The following OR1J2 variants were observed in gnomAD, a reference collection of about 807,000 sequenced individuals.
OR1J2 encodes the protein olfactory receptor family 1 subfamily J member 2, also known as olfactory receptor 1J2.
For synonymous variants in OR1J2, 142 were observed against 99.7 expected (o/e 1.42, Z -2.52); for missense variants, 304 against 246.1 (o/e 1.24, Z -1.57).
At chr9:122,544,816 G>A in the OR1J2 span, among the ~76,000 whole-genome samples, 3 of 151,794 alleles carry the variant, frequency 2.0e-5, no homozygotes, top group African/African-American at 7.3e-5. Context: ...GGCCAACTTT[G>A]GCTTTGTTAC....
chr9:122,537,591 TTTGATAGGA>T, the OR1J2 span, among the ~76,000 whole-genome samples: 1 of 152,186 alleles, frequency 6.6e-6, no homozygotes, highest in Non-Finnish European at 1.5e-5. Flanking sequence ...ATGATGGTAA[TTTGATAGGA>T]ACTGCATCAA....
chr9:122,552,040 C>T, the OR1J2 span, among the ~76,000 whole-genome samples: 1 of 146,842 alleles, frequency 6.8e-6, no homozygotes, highest in Non-Finnish European at 1.5e-5. Context: ...GACACATACA[C>T]ACACACACAC....
the OR1J2 span, chr9:122,519,414 A>T: frequency 6.2e-7 from 1 of 1,614,160 alleles, no homozygotes; most frequent in South Asian, 1.1e-5. Context: ...GGATCAATCC[A>T]TTCTTTATGC....
At chr9:122,568,474 C>G in the OR1J2 span, 14 of 1,565,186 alleles carry the variant, frequency 8.9e-6, no homozygotes, top group African/African-American at 6.8e-5. Flanking sequence ...TTGATTCTTT[C>G]CATTGACTTG....
chr9:122,453,703 ACAT>A, the OR1J2 span, among the ~76,000 whole-genome samples: 1 of 152,196 alleles, frequency 6.6e-6, no homozygotes. Context: ...CACCTCTCAG[ACAT>A]CATTGTGATT....
chr9:122,477,976 A>T, the OR1J2 span: 8 of 1,269,606 alleles, frequency 6.3e-6, no homozygotes, highest in East Asian at 1.6e-4. Flanking sequence ...AAAAAATGGT[A>T]TGTCTTGGAA....
chr9:122,449,403 T>C, the OR1J2 span, among the ~76,000 whole-genome samples: 1 of 152,166 alleles, frequency 6.6e-6, no homozygotes, highest in Non-Finnish European at 1.5e-5. Context: ...AGAGTCTCGC[T>C]CTGTCGCCCA....
At chr9:122,496,555 A>G in the OR1J2 span, among the ~76,000 whole-genome samples, 7 of 152,250 alleles carry the variant, frequency 4.6e-5, no homozygotes, top group Admixed American at 3.9e-4. Context: ...AAGGTTGAGG[A>G]CATGTGCCTG....
chr9:122,452,054 A>G, the OR1J2 span, among the ~76,000 whole-genome samples: 2 of 151,892 alleles, frequency 1.3e-5, no homozygotes, highest in Non-Finnish European at 2.9e-5. Flanking sequence ...AATTTTTTGT[A>G]TTTTTAGTAG....
At chr9:122,550,202 G>A in the OR1J2 span, among the ~76,000 whole-genome samples, 45,677 of 151,770 alleles carry the variant, frequency 0.3, 7,375 homozygotes, top group East Asian at 0.54. Context: ...ATTGTGCCAG[G>A]AACAAGTAGA....
the OR1J2 span, among the ~76,000 whole-genome samples, chr9:122,550,403 G>A: frequency 6.6e-6 from 1 of 152,022 alleles, no homozygotes; most frequent in East Asian, 1.9e-4. Flanking sequence ...ATTCTACAAA[G>A]CAGGTATCAC....
chr9:122,512,005 T>C (rs1828647384), downstream of OR1J2, among the ~76,000 whole-genome samples: 1 of 152,218 alleles, frequency 6.6e-6, no homozygotes, highest in Admixed American at 6.5e-5. Flanking sequence ...TGCAATAATA[T>C]ACAGTTTTCT....
At chr9:122,498,764 A>T in the OR1J2 span, among the ~76,000 whole-genome samples, 1 of 152,000 alleles carries the variant, frequency 6.6e-6, no homozygotes, top group East Asian at 1.9e-4. Flanking sequence ...GGCACTTCTA[A>T]TTTTTGTGAT....
the OR1J2 span, among the ~76,000 whole-genome samples, chr9:122,564,439 C>G: frequency 6.6e-6 from 1 of 152,128 alleles, no homozygotes; most frequent in Admixed American, 6.5e-5. Context: ...CAAATGGAAG[C>G]CATTAGAGCT....
chr9:122,511,729 T>C lies in OR1J2; in HGVS notation c.928T>C (p.Phe310Leu). The change falls in exon 1 of 1, where the codon TTT (phenylalanine) becomes CTT (leucine). Residue 310 changes from phenylalanine (F) to leucine (L), a missense_variant. Transcript: ENST00000335302. Reference protein sequence around the residue: ...ALGKLFSRATFFSW With the variant: ...ALGKLFSRATLFSW ...TGGGAAACTCTTCAGTAGAGCAACA[T>C]TTTTCTCTTGGTGACATCTGACTTT... The C allele has an allele frequency of 2.6e-6, 2 of 780,928 alleles. No individual in the cohort carries two copies. The highest frequency in any genetic ancestry group is 4.8e-6 in the Non-Finnish European group (2 of 418,122). 48.4% of individuals were successfully genotyped at this position (780,928 alleles called of 1,614,324 possible).
chr9:122,559,739 C>T, the OR1J2 span, among the ~76,000 whole-genome samples: 1 of 152,010 alleles, frequency 6.6e-6, no homozygotes, highest in African/African-American at 2.4e-5. Flanking sequence ...TTTTTGCTTC[C>T]AGTGATGTGG....
the OR1J2 span, among the ~76,000 whole-genome samples, chr9:122,471,111 G>C: frequency 6.7e-4 from 102 of 152,022 alleles, no homozygotes; most frequent in Non-Finnish European, 2.8e-4. Context: ...GAGGACATGA[G>C]ATTTGGAGGG....
At chr9:122,571,120 T>C in the OR1J2 span, among the ~76,000 whole-genome samples, 1 of 152,214 alleles carries the variant, frequency 6.6e-6, no homozygotes, top group Non-Finnish European at 1.5e-5. Context: ...AATACACAAC[T>C]GACAAACTTT....
downstream of OR1J2, among the ~76,000 whole-genome samples, chr9:122,516,691 A>G (rs1828704435): frequency 6.6e-6 from 1 of 152,194 alleles, no homozygotes; most frequent in South Asian, 2.1e-4. Flanking sequence ...CCTAAATCCC[A>G]TGGATTAAAT....
Sources: allele counts gnomAD v4.1 joint callset (sites outside exome capture counted in the v4.1 genomes callset), GRCh38; gene constraint gnomAD v4.1.1; transcripts MANE v1.5; gene names NCBI Gene and HGNC (gene_info 2026-07-23, HGNC 2026-07-21).